KCTD8: variants seen among roughly 807,000 people sequenced by gnomAD.
KCTD8 encodes BTB/POZ domain-containing protein KCTD8.
A neutral mutation model predicts 31.5 loss-of-function variants in KCTD8; 27 were observed. That is an observed-to-expected ratio of 0.86 (90% confidence interval 0.63 to 1.18). The LOEUF (loss-of-function observed/expected upper bound fraction) is 1.18, where lower values mean the gene tolerates loss of function less well. KCTD8 is among the 50% of genes most tolerant of loss of function. The pLI, the probability that KCTD8 is intolerant of heterozygous loss-of-function variation, is 0.00. For synonymous variants in KCTD8, 290 were observed against 280.0 expected, an observed-to-expected ratio of 1.04 and a Z score of -0.36; for missense variants, 658 against 647.7, an observed-to-expected ratio of 1.02 and a Z score of -0.17.
At chr4:44,377,899 A>G (rs1719955056) in intron 1 of KCTD8, among the ~76,000 whole-genome samples, 1 of 152,140 alleles carries the variant, frequency 6.6e-6, no homozygotes, top group African/African-American at 2.4e-5. Context: ...TAGATAAAAA[A>G]TCATTCCTTT....
intron 1 of KCTD8, among the ~76,000 whole-genome samples, chr4:44,442,812 TAGCATCCTA>T (rs1318788892): frequency 1.6e-5 from 2 of 125,450 alleles, no homozygotes; most frequent in African/African-American, 3.0e-5. Flanking sequence ...TTGCAAGTCC[TAGCATCCTA>T]AGCTACAAGA....
intron 1 of KCTD8, among the ~76,000 whole-genome samples, chr4:44,256,713 A>C (rs182231810): frequency 1.3e-5 from 2 of 152,020 alleles, no homozygotes; most frequent in Admixed American, 1.3e-4. Context: ...TGAGGAGATG[A>C]GCAGTTGAAA....
At chr4:44,224,152 T>A (rs988604795) in intron 1 of KCTD8, among the ~76,000 whole-genome samples, 2 of 152,170 alleles carry the variant, frequency 1.3e-5, no homozygotes, top group Admixed American at 6.5e-5. Flanking sequence ...TATGAGTTCC[T>A]TTGAATATAT....
In KCTD8 at chr4:44,447,784, ACCT is replaced by A; in HGVS notation, c.737_739del (p.Glu246del). ...GCTCTCGTTGAGCGTGTCCCCGAAG[ACCT>A]CCTTGGCCAGCGCGATGCGCCCGCA... is the stretch of plus-strand genomic sequence containing the variant. On this transcript the variant is annotated inframe_deletion, in exon 1 of 2. Coordinates refer to ENST00000360029, the MANE Select transcript of KCTD8 (RefSeq NM_198353.3). 3 of 1,609,944 alleles carry A rather than the reference ACCT, an allele frequency of 1.9e-6. No homozygotes were observed. The highest frequency in any genetic ancestry group is 2.5e-6 in the Non-Finnish European group (3 of 1,178,018).
intron 1 of KCTD8, among the ~76,000 whole-genome samples, chr4:44,321,864 T>A (rs1051236403): frequency 4.6e-5 from 7 of 152,102 alleles, no homozygotes; most frequent in Non-Finnish European, 8.8e-5. Flanking sequence ...TTTGTCTTTC[T>A]CTGACTGGCT....
At chr4:44,235,686 C>A (rs868552079) in intron 1 of KCTD8, among the ~76,000 whole-genome samples, 4 of 149,782 alleles carry the variant, frequency 2.7e-5, no homozygotes, top group Admixed American at 6.7e-5. Context: ...ATATCTTATT[C>A]ATGACCAACT....
chr4:44,355,272 T>A (rs553943193), intron 1 of KCTD8, among the ~76,000 whole-genome samples: 1 of 152,294 alleles, frequency 6.6e-6, no homozygotes, highest in South Asian at 2.1e-4. Context: ...GTATAATTTA[T>A]CCTTCCCTTA....
At position 44,175,269 on chromosome 4, in the gene KCTD8, A is replaced by G. The variant is rs769122353; in HGVS notation, c.962-19T>C. ...GGTGGTCCTAAAAAGGAGGAAAAAAAAAGAAGAAGAGTAGAACAGTTGAAT... is the reference window on the plus strand; with the variant it reads ...GGTGGTCCTAAAAAGGAGGAAAAAAGAAGAAGAAGAGTAGAACAGTTGAAT... On this transcript the variant is annotated intron_variant, in intron 1 of 1. Transcript: ENST00000360029. 6 of 1,426,144 alleles carry G rather than the reference A, an allele frequency of 4.2e-6. No individual in the cohort carries two copies. The highest frequency in any genetic ancestry group is 2.9e-5 in the African/African-American group (2 of 69,622). 88.3% of individuals were successfully genotyped at this position (1,426,144 alleles called of 1,614,324 possible).
Position 44,446,453 on chromosome 4 carries a change from G to A in KCTD8, c.961+1110C>T, listed in dbSNP as rs375977705. 3.3e-5 allele frequency among the ~76,000 whole-genome samples: 5 copies of A among 152,030 alleles called. No homozygotes were observed. The East Asian group carries it at 9.6e-4, about 29-fold the overall frequency. On this transcript the variant is annotated intron_variant, in intron 1 of 1. Transcript: ENST00000360029. ...CTGCTGCCATCCCAGCTGGCTTTTCGTTTGTCCAAATCGCTCTCTAGTCGT... is the reference window on the plus strand; with the variant it reads ...CTGCTGCCATCCCAGCTGGCTTTTCATTTGTCCAAATCGCTCTCTAGTCGT...
intron 1 of KCTD8, among the ~76,000 whole-genome samples, chr4:44,352,124 C>T (rs1245374002): frequency 6.6e-6 from 1 of 152,014 alleles, no homozygotes; most frequent in African/African-American, 2.4e-5. Context: ...GGATGAGTGC[C>T]AGGATTCATT....
At chr4:44,373,967 T>C (rs1413454345) in intron 1 of KCTD8, among the ~76,000 whole-genome samples, 1 of 152,206 alleles carries the variant, frequency 6.6e-6, no homozygotes, top group African/African-American at 2.4e-5. Context: ...CATATAAATC[T>C]GTTTTTTTCC....
At chr4:44,423,660 G>T (rs976078999) in intron 1 of KCTD8, among the ~76,000 whole-genome samples, 8 of 152,054 alleles carry the variant, frequency 5.3e-5, no homozygotes, top group Non-Finnish European at 1.0e-4. Context: ...AGGAAATAAA[G>T]TAAGTAATAA....
chr4:44,300,684 A>G (rs951281428), intron 1 of KCTD8, among the ~76,000 whole-genome samples: 2 of 152,126 alleles, frequency 1.3e-5, no homozygotes, highest in African/African-American at 4.8e-5. Flanking sequence ...TATTCAAACT[A>G]ATCCTACACC....
At chr4:44,225,789 A>T (rs1247496745) in intron 1 of KCTD8, among the ~76,000 whole-genome samples, 7 of 145,106 alleles carry the variant, frequency 4.8e-5, no homozygotes, top group African/African-American at 1.8e-4. Flanking sequence ...TGCTGCACCT[A>T]TCAACCCGTC....
intron 1 of KCTD8, among the ~76,000 whole-genome samples, chr4:44,299,767 C>G (rs558047846): frequency 7.4e-6 from 1 of 134,256 alleles, no homozygotes; most frequent in Non-Finnish European, 1.7e-5. Context: ...TTTTTTTTTC[C>G]TTTTCTTTTT....
chr4:44,201,236 A>G (rs1714141113), intron 1 of KCTD8, among the ~76,000 whole-genome samples: 1 of 152,146 alleles, frequency 6.6e-6, no homozygotes, highest in African/African-American at 2.4e-5. Context: ...ATGCTGTCCA[A>G]AGCAATTTAC....
In KCTD8 at chr4:44,422,939, G is replaced by A. The variant is rs1413859530; in HGVS notation, c.961+24624C>T. ...TTACTGATGTTGTTGTTGGTGGATA[G>A]AGAAGAGACTGACCCTCCCAAAATT... On this transcript the variant is annotated intron_variant, in intron 1 of 1. Transcript: ENST00000360029. Among the ~76,000 whole-genome samples, 5 of 152,150 alleles carry A rather than the reference G, an allele frequency of 3.3e-5. No individual in the cohort carries two copies. The East Asian group carries it at 7.7e-4, about 24-fold the overall frequency.
intron 1 of KCTD8, among the ~76,000 whole-genome samples, chr4:44,258,080 A>T (rs1716044785): frequency 6.6e-6 from 1 of 152,026 alleles, no homozygotes; most frequent in Non-Finnish European, 1.5e-5. Context: ...AACTGAGGGA[A>T]GGTAACACAG....
intron 1 of KCTD8, among the ~76,000 whole-genome samples, chr4:44,255,684 G>A (rs1267210606): frequency 3.3e-5 from 5 of 151,496 alleles, no homozygotes; most frequent in Non-Finnish European, 7.4e-5. Context: ...GTTTCAATTG[G>A]ACTTCCATGT....
Sources: allele counts gnomAD v4.1 joint callset (sites outside exome capture counted in the v4.1 genomes callset), GRCh38; gene constraint gnomAD v4.1.1; transcripts MANE v1.5; gene names NCBI Gene and HGNC (gene_info 2026-07-23, HGNC 2026-07-21).